ZRANB3: variants seen among roughly 807,000 people sequenced by gnomAD.
The protein encoded by ZRANB3 is DNA annealing helicase and endonuclease ZRANB3.
In ZRANB3, 125 loss-of-function variants were observed where a neutral mutation model predicts 133.8. The ratio of observed to expected loss-of-function variants is 0.93; its 90% CI spans 0.81 to 1.08. The LOEUF (loss-of-function observed/expected upper bound fraction) is 1.08, where lower values mean the gene tolerates loss of function less well. ZRANB3 is among the 50% of genes least tolerant of loss of function. The pLI is 0.00. For missense variants in ZRANB3, 1,229 were observed against 1,275.5 expected (o/e 0.96, Z 0.56); for synonymous variants, 387 against 432.7 (o/e 0.89, Z 1.31).
chr2:135,353,945 A>T (rs942268542), intron 3 of ZRANB3, among the ~76,000 whole-genome samples: 3 of 152,142 alleles, frequency 2.0e-5, no homozygotes, highest in African/African-American at 7.2e-5. Context: ...TTGACGCTAC[A>T]GTGAGCCTAG....
intron 17 of ZRANB3, among the ~76,000 whole-genome samples, chr2:135,216,439 G>A (rs1409663599): frequency 2.0e-5 from 3 of 151,926 alleles, no homozygotes; most frequent in African/African-American, 7.2e-5. Context: ...TTTGCCATCT[G>A]TTTTGTTTTG....
chr2:135,433,693 A>G (rs1689411620), intron 2 of ZRANB3, among the ~76,000 whole-genome samples: 1 of 152,092 alleles, frequency 6.6e-6, no homozygotes, highest in South Asian at 2.1e-4. Context: ...CTCTACTAAA[A>G]ATACAGAAAT....
chr2:135,243,342 C>T (rs1467162246), intron 12 of ZRANB3, among the ~76,000 whole-genome samples: 1 of 152,078 alleles, frequency 6.6e-6, no homozygotes, highest in African/African-American at 2.4e-5. Context: ...GGTGAAACCC[C>T]GTCTCTACTA....
Position 135,330,197 on chromosome 2 carries a change from TA to T in ZRANB3, c.678-14668del, listed in dbSNP as rs1387707250. Among the ~76,000 whole-genome samples, 26 of 152,346 alleles carry T rather than the reference TA, an allele frequency of 1.7e-4. No individual in the cohort carries two copies. In the East Asian group the frequency reaches 4.8e-3, roughly 28 times the overall value. ...TATGATATTGGCTGTGGATTGATCATAAATAGCTCTTATTATTTTGAGATGC... is the reference window on the plus strand; with the variant it reads ...TATGATATTGGCTGTGGATTGATCATAATAGCTCTTATTATTTTGAGATGC... On this transcript the variant is annotated intron_variant, in intron 6 of 20. Transcript: ENST00000264159.
chr2:135,265,796 T>C, intron 11 of ZRANB3, 110 bp from the exon 12 acceptor site: 3 of 1,171,852 alleles, frequency 2.6e-6, no homozygotes, highest in Non-Finnish European at 3.5e-6. Context: ...AAGAAAATCT[T>C]ACTGTTCCAA....
chr2:135,438,065 A>G (rs188846678), intron 2 of ZRANB3, among the ~76,000 whole-genome samples: 1 of 152,228 alleles, frequency 6.6e-6, no homozygotes, highest in East Asian at 1.9e-4. Flanking sequence ...GACTTGGACT[A>G]AATATCACCA....
chr2:135,523,063 G>C (rs1261088151), intron 1 of ZRANB3, among the ~76,000 whole-genome samples: 3 of 152,122 alleles, frequency 2.0e-5, no homozygotes, highest in African/African-American at 7.2e-5. Context: ...TATCCAAACA[G>C]ACATTTTTAG....
intron 2 of ZRANB3, among the ~76,000 whole-genome samples, chr2:135,500,135 C>G (rs1692869541): frequency 6.6e-6 from 1 of 152,104 alleles, no homozygotes; most frequent in Non-Finnish European, 1.5e-5. Context: ...CTGCTAGCCT[C>G]CAAAACTGTG....
At chr2:135,449,298 C>T (rs1690160868) in intron 2 of ZRANB3, among the ~76,000 whole-genome samples, 1 of 152,134 alleles carries the variant, frequency 6.6e-6, no homozygotes, top group South Asian at 2.1e-4. Context: ...TGAACCATTA[C>T]AGATAATAAA....
chr2:135,450,122 C>T (rs553847615), intron 2 of ZRANB3, among the ~76,000 whole-genome samples: 276 of 152,152 alleles, frequency 1.8e-3, no homozygotes, highest in Non-Finnish European at 2.1e-3. Flanking sequence ...ATGAAACCAA[C>T]ATCTGTCTCC....
intron 6 of ZRANB3, among the ~76,000 whole-genome samples, chr2:135,331,845 C>A (rs1247557510): frequency 6.6e-6 from 1 of 152,054 alleles, no homozygotes; most frequent in African/African-American, 2.4e-5. Flanking sequence ...GGTTTAAAGT[C>A]TGTTTTATCA....
In ZRANB3 at chr2:135,209,005, T is replaced by G. The variant is rs779488550; in HGVS notation, c.2496-27A>C. ...TAAAACAATGATATGTTAAATAGAT[T>G]CCCTCTATCTCATATAAAAATGTCT... On this transcript the variant is annotated intron_variant, in intron 17 of 20. Coordinates refer to ENST00000264159, the MANE Select transcript of ZRANB3 (RefSeq NM_032143.4). The G allele has an allele frequency of 2.3e-5, 36 of 1,587,468 alleles. No individual in the cohort carries two copies. In the South Asian group the frequency reaches 3.9e-4, roughly 17 times the overall value.
At chr2:135,329,703 C>T (rs938855492) in intron 6 of ZRANB3, among the ~76,000 whole-genome samples, 1 of 152,144 alleles carries the variant, frequency 6.6e-6, no homozygotes, top group Non-Finnish European at 1.5e-5. Flanking sequence ...ATGGAATGTT[C>T]TTCCATTTGT....
chr2:135,200,493 C>G, intron 20 of ZRANB3, 53 bp from the exon 21 acceptor site: 1 of 1,395,368 alleles, frequency 7.2e-7, no homozygotes, highest in Non-Finnish European at 9.9e-7. Flanking sequence ...GCACCGGCTA[C>G]AAAAGCTCAA....
intron 12 of ZRANB3, among the ~76,000 whole-genome samples, chr2:135,244,591 G>C (rs1695703837): frequency 6.6e-6 from 1 of 151,790 alleles, no homozygotes; most frequent in Non-Finnish European, 1.5e-5. Flanking sequence ...CTGGGTGACA[G>C]AGCATACTCC....
At chr2:135,236,756 A>G (rs570292491) in intron 12 of ZRANB3, among the ~76,000 whole-genome samples, 180 of 151,516 alleles carry the variant, frequency 1.2e-3, no homozygotes, top group Non-Finnish European at 1.3e-3. Context: ...CTGGAAGTGG[A>G]TCCCTTCCTT....
At chr2:135,495,377 T>C (rs553436196) in intron 2 of ZRANB3, among the ~76,000 whole-genome samples, 2 of 152,280 alleles carry the variant, frequency 1.3e-5, no homozygotes, top group South Asian at 2.1e-4. Context: ...TTAAAGCAAG[T>C]TTATTAGGAA....
chr2:135,476,607 A>G (rs1462542107), intron 2 of ZRANB3, among the ~76,000 whole-genome samples: 1 of 152,174 alleles, frequency 6.6e-6, no homozygotes, highest in African/African-American at 2.4e-5. Context: ...TAATGGTACT[A>G]AACACTAGGT....
At chr2:135,517,977 G>A (rs1316543759) in intron 1 of ZRANB3, among the ~76,000 whole-genome samples, 2 of 152,198 alleles carry the variant, frequency 1.3e-5, no homozygotes, top group African/African-American at 4.8e-5. Context: ...AATATAGAGA[G>A]GCATTCTGGC....
Sources: allele counts gnomAD v4.1 joint callset (sites outside exome capture counted in the v4.1 genomes callset), GRCh38; gene constraint gnomAD v4.1.1; transcripts MANE v1.5; gene names NCBI Gene and HGNC (gene_info 2026-07-23, HGNC 2026-07-21).